The following ANO6 variants were observed in gnomAD, a reference collection of about 807,000 sequenced individuals.
The protein encoded by ANO6 is anoctamin-6.
ANO6 carries 106 observed loss-of-function variants against 117.5 expected under a neutral mutation model. The ratio of observed to expected loss-of-function variants is 0.90; its 90% CI spans 0.77 to 1.06. The LOEUF is 1.06. Among genes scored for constraint, ANO6 ranks in the 50% least tolerant of loss-of-function variants. ANO6 has a pLI of 0.00. For synonymous variants in ANO6, 367 were observed against 385.1 expected, an observed-to-expected ratio of 0.95 and a Z score of 0.55; for missense variants, 955 against 1,121.1, an observed-to-expected ratio of 0.85 and a Z score of 2.12.
At chr12:45,420,886 G>A (rs1012078144) in intron 17 of ANO6, among the ~76,000 whole-genome samples, 185 bp from the exon 18 acceptor site, 5 of 152,124 alleles carry the variant, frequency 3.3e-5, no homozygotes, top group Admixed American at 6.5e-5. Context: ...TTAGCCAGGC[G>A]TGGTGGCACG....
In ANO6 at chr12:45,431,152, A is replaced by G. The variant is rs1233776469; in HGVS notation, c.*1841A>G. ...ACTGTCTCTCTTGATCGTGTTAATG[A>G]TGCAATCAGAGTTCAAGACAGGCCC... On this transcript the variant is annotated 3_prime_UTR_variant, in exon 20 of 20. Transcript: ENST00000320560. 2 of 985,154 alleles carry G rather than the reference A, an allele frequency of 2.0e-6. No individual in the cohort carries two copies. Among genetic ancestry groups the G allele is most frequent in the East Asian group, 2.3e-4 (2 of 8,830 alleles). 61.0% of individuals were successfully genotyped at this position (985,154 alleles called of 1,614,324 possible). A position where few individuals can be genotyped will look rare whatever the true frequency, so the allele number is the denominator to read the frequency against.
chr12:45,329,252 T>G (rs1051204488), intron 2 of ANO6, among the ~76,000 whole-genome samples: 1 of 152,192 alleles, frequency 6.6e-6, no homozygotes, highest in African/African-American at 2.4e-5. Context: ...GCTAGTGATA[T>G]TAGTTTCTCC....
chr12:45,275,266 A>C (rs1303032261), intron 1 of ANO6, among the ~76,000 whole-genome samples: 1 of 152,092 alleles, frequency 6.6e-6, no homozygotes, highest in Non-Finnish European at 1.5e-5. Context: ...GCTGGAGTGC[A>C]GTAGCGCCAT....
chr12:45,246,317 C>T (rs1187829939), intron 1 of ANO6, among the ~76,000 whole-genome samples: 1 of 152,114 alleles, frequency 6.6e-6, no homozygotes, highest in Non-Finnish European at 1.5e-5. Flanking sequence ...GTTTATCTTG[C>T]GGTTTTTGGT....
chr12:45,252,815 C>A (rs560452092), intron 1 of ANO6, among the ~76,000 whole-genome samples: 1 of 152,284 alleles, frequency 6.6e-6, no homozygotes, highest in South Asian at 2.1e-4. Flanking sequence ...TGGTCATCAA[C>A]ATATGTTAAG....
Position 45,392,272 on chromosome 12 carries a change from C to A in ANO6, c.1386+1774C>A, listed in dbSNP as rs113325514. ...GCTAGCGCAGCAGTCTGGGATCAAT[C>A]TGCGAGGTGGCAGCCTAGCTAGGGG... On this transcript the variant is annotated intron_variant, in intron 12 of 19. Coordinates refer to ENST00000320560, the MANE Select transcript of ANO6 (RefSeq NM_001025356.3). Among the ~76,000 whole-genome samples the A allele has an allele frequency of 3.8e-3, 575 of 152,356 alleles. 4 individuals carry two copies. The highest frequency in any genetic ancestry group is 0.013 in the African/African-American group (550 of 41,586).
intron 16 of ANO6, among the ~76,000 whole-genome samples, chr12:45,414,242 A>C (rs1301242323): frequency 2.0e-5 from 3 of 152,012 alleles, no homozygotes; most frequent in African/African-American, 7.2e-5. Flanking sequence ...GATTATGAAA[A>C]AGTTGCAGGC....
At chr12:45,435,547 AC>A (rs1943697753), downstream of ANO6, among the ~76,000 whole-genome samples, 2 of 152,060 alleles carry the variant, frequency 1.3e-5, no homozygotes, top group Non-Finnish European at 2.9e-5. Flanking sequence ...CTTCCCACCT[AC>A]CCTGCATATT....
chr12:45,421,047 C>G (rs752406753), intron 17 of ANO6, 24 bp from the exon 18 acceptor site: 1 of 1,611,066 alleles, frequency 6.2e-7, no homozygotes, highest in Non-Finnish European at 8.5e-7. Flanking sequence ...ACTTCATTTT[C>G]GCTTTGTTTT....
At chr12:45,255,675 T>C (rs889990302) in intron 1 of ANO6, among the ~76,000 whole-genome samples, 4 of 152,066 alleles carry the variant, frequency 2.6e-5, no homozygotes, top group African/African-American at 4.8e-5. Flanking sequence ...AACTAGTAGA[T>C]TGTAATAGAA....
chr12:45,277,975 A>G (rs1182132615), intron 1 of ANO6, among the ~76,000 whole-genome samples: 2 of 152,064 alleles, frequency 1.3e-5, no homozygotes, highest in Non-Finnish European at 2.9e-5. Context: ...TTTTTTAGAG[A>G]TAGGGTCTTG....
At position 45,432,305 on chromosome 12, in the gene ANO6, CTTTTA is replaced by C. The variant is rs1191983571; in HGVS notation, c.*2996_*3000del. 4 of 903,534 alleles carry C rather than the reference CTTTTA, an allele frequency of 4.4e-6. No individual in the cohort carries two copies. In the African/African-American group the frequency reaches 5.4e-5, roughly 12 times the overall value. The allele number at this position is 903,534 out of a possible 1,614,324, so 56.0% of individuals were successfully genotyped here. ...GTTAATTTCTGTGCATTTTAATATT[CTTTTA>C]TAATTATGAGCATTTTAATAAATTC... On this transcript the variant is annotated 3_prime_UTR_variant, in exon 20 of 20. Coordinates refer to ENST00000320560, the MANE Select transcript of ANO6 (RefSeq NM_001025356.3).
At chr12:45,350,553 G>A in intron 6 of ANO6, 106 bp from the exon 7 acceptor site, 2 of 868,760 alleles carry the variant, frequency 2.3e-6, no homozygotes, top group South Asian at 2.8e-5. Flanking sequence ...AGAAGGTGAG[G>A]ACCCCTTGTT....
intron 8 of ANO6, among the ~76,000 whole-genome samples, chr12:45,367,158 T>A (rs893065210): frequency 2.6e-5 from 4 of 152,176 alleles, no homozygotes; most frequent in Non-Finnish European, 5.9e-5. Flanking sequence ...ATTTTTGTAT[T>A]TTTAGTAGAG....
At chr12:45,224,306 T>A (rs796974454) in intron 1 of ANO6, among the ~76,000 whole-genome samples, 4 of 152,198 alleles carry the variant, frequency 2.6e-5, no homozygotes, top group African/African-American at 9.6e-5. Flanking sequence ...AAAGGCATGA[T>A]GATTTCTCAA....
intron 3 of ANO6, among the ~76,000 whole-genome samples, chr12:45,339,945 A>G (rs1940933746): frequency 6.6e-6 from 1 of 152,130 alleles, no homozygotes; most frequent in South Asian, 2.1e-4. Context: ...CTTTATCATC[A>G]TAGTATATTC....
intron 1 of ANO6, among the ~76,000 whole-genome samples, chr12:45,255,818 G>GGTTTTTTTTTTTTTTTTT (rs749001458): frequency 2.4e-5 from 2 of 81,712 alleles, no homozygotes; most frequent in African/African-American, 9.0e-5. Flanking sequence ...CTCCCTGGGT[G>GGTTTTTTTTTTTTTTTTT]TTTTTTTTTT....
chr12:45,424,327 G>GGTTT (rs1943439717), intron 19 of ANO6, among the ~76,000 whole-genome samples: 2 of 81,272 alleles, frequency 2.5e-5, no homozygotes, highest in African/African-American at 9.9e-5. Context: ...TAGGTGATGG[G>GGTTT]TTTTTTTTTT....
chr12:45,239,088 A>G (rs151087166), intron 1 of ANO6, among the ~76,000 whole-genome samples: 1,677 of 152,164 alleles, frequency 0.011, 30 homozygotes, highest in African/African-American at 0.036. Context: ...CTCTTTTTCT[A>G]TTGATTGGAA....
Sources: gnomAD v4.1 joint callset for allele counts (sites outside exome capture counted in the v4.1 genomes callset) on GRCh38, gnomAD v4.1.1 for gene constraint, MANE v1.5 for transcripts, NCBI Gene and HGNC (gene_info 2026-07-23, HGNC 2026-07-21) for gene names.